UTRN: variants seen among roughly 807,000 people sequenced by gnomAD.
The protein encoded by UTRN is dystrophin-related protein 1.
UTRN carries 283 observed loss-of-function variants against 463.9 expected under a neutral mutation model. That is an observed-to-expected ratio of 0.61 (90% confidence interval 0.55 to 0.67). The LOEUF (loss-of-function observed/expected upper bound fraction) is 0.67. UTRN is among the 30% of genes least tolerant of loss of function. The pLI, the probability that UTRN is intolerant of heterozygous loss-of-function variation, is 0.00. For synonymous variants in UTRN, 1,442 were observed against 1,431.5 expected (o/e 1.01, Z -0.17); for missense variants, 3,922 against 4,084.3 (o/e 0.96, Z 1.08).
chr6:144,829,390 A>T (rs1451583938), intron 69 of UTRN, among the ~76,000 whole-genome samples: 1 of 152,188 alleles, frequency 6.6e-6, no homozygotes, highest in East Asian at 1.9e-4. Flanking sequence ...AATACTAAAA[A>T]GATATTATAT....
chr6:144,440,401 C>G lies in UTRN; in HGVS notation c.1442C>G (p.Thr481Ser), dbSNP rs768528825. ...GAACAGGTGAAAGTAAATTCACTAACTCACATGGTGGTCATTGTTGATGAA... is the reference window on the plus strand; with the variant it reads ...GAACAGGTGAAAGTAAATTCACTAAGTCACATGGTGGTCATTGTTGATGAA... ...EAEQVKVNSL[T>S]HMVVIVDENS... Residue 481 changes from threonine to serine, a missense_variant, in exon 13 of 75, where the codon ACT becomes AGT. Around this residue, in one of 3 missense-constraint regions of UTRN, gnomAD observed 2,349 missense variants for 2,303.8 expected, o/e 1.02. Coordinates refer to ENST00000367545, the MANE Select transcript of UTRN (RefSeq NM_007124.3). The G allele has an allele frequency of 9.3e-6, 15 of 1,614,062 alleles. No homozygotes were observed. Among genetic ancestry groups the G allele is most frequent in the Non-Finnish European group, 1.3e-5 (15 of 1,180,036 alleles).
chr6:144,291,848 A>G lies in UTRN; in HGVS notation c.20A>G (p.His7Arg), dbSNP rs771346101. The change falls in exon 2 of 75, where the codon CAT becomes CGT. Residue 7 changes from histidine (H) to arginine (R), a missense_variant. Physicochemically the swap from His to Arg is conservative, Grantham distance 29. Around this residue, in one of 3 missense-constraint regions of UTRN, gnomAD observed 264 missense variants for 327.9 expected, o/e 0.81. Transcript: ENST00000367545. MAKYGEHEASPDNGQNE... is the reference protein window; with the variant it reads MAKYGEREASPDNGQNE... ...GGCAAGATGGCCAAGTATGGAGAAC[A>G]TGAAGCCAGTCCTGACAATGGGCAG... 1 of 1,613,624 alleles carries G rather than the reference A, an allele frequency of 6.2e-7. No homozygotes were observed.
At chr6:144,827,269 C>A in intron 66 of UTRN, 79 bp from the exon 67 acceptor site, 1 of 1,546,014 alleles carries the variant, frequency 6.5e-7, no homozygotes. Flanking sequence ...AGAATCTCCC[C>A]ACACCCCCAC....
Position 144,851,034 on chromosome 6 carries a change from A to G in UTRN, c.*37A>G. 6.2e-7 allele frequency: 1 copy of G among 1,613,498 alleles called. No homozygotes were observed. Among genetic ancestry groups the G allele is most frequent in the Non-Finnish European group, 8.5e-7 (1 of 1,179,504 alleles). ...GGCCAACCAATGTTTCCTGACGTAC[A>G]GTGTTGCCCTTTTCAGCAAATGCCA... On this transcript the variant is annotated 3_prime_UTR_variant, in exon 75 of 75. Coordinates refer to ENST00000367545, the MANE Select transcript of UTRN (RefSeq NM_007124.3).
chr6:144,596,348 A>C (rs1489557137), intron 51 of UTRN, among the ~76,000 whole-genome samples: 1 of 152,146 alleles, frequency 6.6e-6, no homozygotes, highest in East Asian at 1.9e-4. Flanking sequence ...CAGTGAGAGT[A>C]GAGTTTTCCT....
chr6:144,797,608 G>C (rs1236549729), intron 63 of UTRN: 13 of 415,316 alleles, frequency 3.1e-5, no homozygotes, highest in Middle Eastern at 1.3e-3. Context: ...GTATTTTTTT[G>C]CTTCTTCCTA....
In UTRN at chr6:144,754,762, A is replaced by G; in HGVS notation, c.8398A>G (p.Arg2800Gly). Reference sequence around the variant, plus strand: ...CCTTAAACAGCTTCAGGAAGCCCACAGAGATTTTGGACCATCCTCTCAGCA... The same window carrying G: ...CCTTAAACAGCTTCAGGAAGCCCACGGAGATTTTGGACCATCCTCTCAGCA... Reference protein sequence around the residue: ...DRLKQLQEAHRDFGPSSQHFL... With the variant: ...DRLKQLQEAHGDFGPSSQHFL... Residue 2800 changes from arginine to glycine, a missense_variant, in exon 57 of 75, where the codon AGA becomes GGA. Physicochemically the swap from Arg to Gly is moderately radical, Grantham distance 125 (BLOSUM62 -2). Coordinates refer to ENST00000367545, the MANE Select transcript of UTRN (RefSeq NM_007124.3). 6.2e-7 allele frequency: 1 copy of G among 1,613,626 alleles called. No homozygotes were observed. Among genetic ancestry groups the G allele is most frequent in the Non-Finnish European group, 8.5e-7 (1 of 1,179,728 alleles).
intron 60 of UTRN, among the ~76,000 whole-genome samples, chr6:144,776,290 T>G (rs1232484608): frequency 6.6e-6 from 1 of 152,244 alleles, no homozygotes; most frequent in Non-Finnish European, 1.5e-5. Flanking sequence ...CAGTAGTTTA[T>G]GATTGCCTGT....
chr6:144,685,365 A>C (rs757526737), intron 52 of UTRN, among the ~76,000 whole-genome samples: 20 of 152,144 alleles, frequency 1.3e-4, no homozygotes, highest in Admixed American at 3.9e-4. Flanking sequence ...TTTTTGACAT[A>C]ATGACTTCTT....
intron 51 of UTRN, among the ~76,000 whole-genome samples, chr6:144,675,011 G>T (rs949714529): frequency 1.3e-5 from 2 of 152,216 alleles, no homozygotes; most frequent in African/African-American, 4.8e-5. Context: ...GTGATCTTTT[G>T]AGTGTGTTAT....
Position 144,344,362 on chromosome 6 carries a change from T to C in UTRN, c.79+52455T>C, listed in dbSNP as rs540678044. The C allele has an allele frequency of 1.4e-3, 1,780 of 1,302,734 alleles. 2 individuals are homozygous for C. The highest frequency in any genetic ancestry group is 1.5e-3 in the Non-Finnish European group (1,456 of 987,894). 80.7% of individuals were successfully genotyped at this position (1,302,734 alleles called of 1,614,324 possible). On this transcript the variant is annotated intron_variant, in intron 2 of 74. Transcript: ENST00000367545. ...GTGAGGTTTTCTTAAGAAACGTCTA[T>C]GAAGACAGGGTTCTTTCATTCAGTT... is the stretch of plus-strand genomic sequence containing the variant.
intron 65 of UTRN, among the ~76,000 whole-genome samples, chr6:144,818,988 ATTCTT>A (rs1779329232): frequency 6.6e-6 from 1 of 151,704 alleles, no homozygotes; most frequent in African/African-American, 2.4e-5. Context: ...GTTTCCTTGA[ATTCTT>A]TTTCTTTTCA....
chr6:144,445,568 G>A (rs58148782), intron 14 of UTRN, among the ~76,000 whole-genome samples: 3 of 134,074 alleles, frequency 2.2e-5, no homozygotes, highest in African/African-American at 1.1e-4. Flanking sequence ...TTCCCCCCCC[G>A]CCCTCAATCT....
At chr6:144,690,074 GTTTTTT>G (rs1554339291) in intron 52 of UTRN, among the ~76,000 whole-genome samples, 2 of 31,266 alleles carry the variant, frequency 6.4e-5, no homozygotes, top group African/African-American at 1.8e-4. Flanking sequence ...AAAAGTTTCT[GTTTTTT>G]TTTTTTTTTT....
At chr6:144,442,785 AGATTTG>A (rs2114907211) in intron 13 of UTRN, among the ~76,000 whole-genome samples, 1 of 152,294 alleles carries the variant, frequency 6.6e-6, no homozygotes, top group African/African-American at 2.4e-5. Context: ...ATGCAAGATG[AGATTTG>A]GATGGAGACA....
At chr6:144,480,235 C>T (rs1271704745) in intron 26 of UTRN, among the ~76,000 whole-genome samples, 2 of 152,066 alleles carry the variant, frequency 1.3e-5, no homozygotes, top group Admixed American at 6.6e-5. Context: ...TTAAGTTAGA[C>T]CTTTGGGAGG....
chr6:144,813,253 A>G (rs1586677727), intron 65 of UTRN, among the ~76,000 whole-genome samples: 2 of 151,896 alleles, frequency 1.3e-5, no homozygotes, highest in East Asian at 3.9e-4. Context: ...CAATGGCGCA[A>G]TCTTGGCTCA....
At chr6:144,782,782 G>A (rs979990823) in intron 61 of UTRN, among the ~76,000 whole-genome samples, 1 of 152,068 alleles carries the variant, frequency 6.6e-6, no homozygotes, top group South Asian at 2.1e-4. Flanking sequence ...TTTTGAATAC[G>A]ACAGTACATT....
intron 58 of UTRN, among the ~76,000 whole-genome samples, chr6:144,762,435 C>T (rs774780798): frequency 1.3e-5 from 2 of 152,222 alleles, no homozygotes; most frequent in Non-Finnish European, 2.9e-5. Flanking sequence ...ATTTACTATG[C>T]ACCTCCTGTG....
Sources: allele counts gnomAD v4.1 joint callset (sites outside exome capture counted in the v4.1 genomes callset), GRCh38; gene constraint gnomAD v4.1.1; regional missense constraint gnomAD v4.1.1; transcripts MANE v1.5; gene names NCBI Gene and HGNC (gene_info 2026-07-23, HGNC 2026-07-21).